The following MATN4 variants were observed in gnomAD, a reference collection of about 807,000 sequenced individuals.
The protein encoded by MATN4 is matrilin 4.
MATN4 carries 40 observed loss-of-function variants against 54.6 expected under a neutral mutation model. The ratio of observed to expected loss-of-function variants is 0.73; its 90% CI spans 0.57 to 0.95. MATN4 has a LOEUF of 0.95. MATN4 is among the 40% of genes least tolerant of loss of function. The probability of loss-of-function intolerance (pLI) is 0.00; values close to 1 mark genes in which losing one functional copy is unlikely to be tolerated. For missense variants in MATN4, 810 were observed against 819.1 expected, an observed-to-expected ratio of 0.99 and a Z score of 0.13; for synonymous variants, 351 against 345.3, an observed-to-expected ratio of 1.02 and a Z score of -0.18.
intron 3 of MATN4, among the ~76,000 whole-genome samples, chr20:45,301,883 A>C (rs1050374874): frequency 3.3e-5 from 5 of 151,766 alleles, no homozygotes; most frequent in Non-Finnish European, 5.9e-5. Context: ...AAAAAGAACA[A>C]GAGAGCCAGT....
rs1280524369 is a variant in MATN4, at chr20:45,304,309, G to C, written c.562C>G (p.Pro188Ala). Reference sequence around the variant, plus strand: ...ACGAGGAAGACGTGCTCGTCTAGCGGGGGCGATGCCATGGCGCGCAGGGAG... The same window carrying C: ...ACGAGGAAGACGTGCTCGTCTAGCGCGGGCGATGCCATGGCGCGCAGGGAG... ...VGSLRAMASP[P>A]LDEHVFLVES... Residue 188 changes from proline (P) to alanine (A), a missense_variant, in exon 3 of 10, where the codon CCG becomes GCG. Transcript: ENST00000372756. 1.3e-6 allele frequency: 2 copies of C among 1,534,396 alleles called. No homozygotes were observed. Among genetic ancestry groups the C allele is most frequent in the Non-Finnish European group, 1.7e-6 (2 of 1,143,070 alleles).
chr20:45,299,595 A>T (rs1600694743), intron 6 of MATN4, among the ~76,000 whole-genome samples: 1 of 152,252 alleles, frequency 6.6e-6, no homozygotes, highest in Middle Eastern at 3.4e-3. Context: ...CTGTCCTTGT[A>T]AGAGTCTGAA....
Position 45,304,223 on chromosome 20 carries a change from C to A in MATN4, c.643+5G>T. 6.7e-7 allele frequency: 1 copy of A among 1,499,344 alleles called. No homozygotes were observed. Among genetic ancestry groups the A allele is most frequent in the South Asian group, 1.4e-5 (1 of 73,750 alleles). 92.9% of individuals were successfully genotyped at this position (1,499,344 alleles called of 1,614,324 possible). ...GAGCTTCACTCCAGCGCCCTCCTAACTCACCACACAGCCGGCTCTGGAACT... is the reference window on the plus strand; with the variant it reads ...GAGCTTCACTCCAGCGCCCTCCTAAATCACCACACAGCCGGCTCTGGAACT... On this transcript the variant is annotated splice_donor_5th_base_variant and intron_variant, in intron 3 of 9. Coordinates refer to ENST00000372756, the MANE Select transcript of MATN4 (RefSeq NM_001393530.1).
Position 45,304,446 on chromosome 20 carries a change from G to C in MATN4, c.425C>G (p.Ala142Gly), listed in dbSNP as rs1363721324. 1 of 1,554,136 alleles carries C rather than the reference G, an allele frequency of 6.4e-7. No individual in the cohort carries two copies. The highest frequency in any genetic ancestry group is 8.7e-7 in the Non-Finnish European group (1 of 1,144,092). ...RPPEERVPRV[A>G]VIVTDGRPQD... ...GGGCCGCCCGTCTGTCACGATGACA[G>C]CGACACGCGGCACGCGCTCCTCTGG... The change falls in exon 3 of 10, where the codon GCT (alanine) becomes GGT (glycine). Residue 142 changes from alanine (A) to glycine (G), a missense_variant. Physicochemically the swap from Ala to Gly is moderately conservative, Grantham distance 60. Transcript: ENST00000372756.
chr20:45,303,018 G>A (rs1986329018), intron 3 of MATN4, among the ~76,000 whole-genome samples: 2 of 149,770 alleles, frequency 1.3e-5, no homozygotes, highest in East Asian at 3.9e-4. Flanking sequence ...GGGAGGCGGA[G>A]GTTGCAGTGA....
chr20:45,294,387 G>T (rs1985682193), intron 8 of MATN4, among the ~76,000 whole-genome samples: 1 of 152,232 alleles, frequency 6.6e-6, no homozygotes, highest in Non-Finnish European at 1.5e-5. Context: ...GAATGGAGAA[G>T]AAGCTCAGAA....
intron 1 of MATN4, among the ~76,000 whole-genome samples, chr20:45,307,115 T>C (rs1986776740): frequency 6.6e-6 from 1 of 151,296 alleles, no homozygotes; most frequent in Non-Finnish European, 1.5e-5. Context: ...CTTCTCTCTC[T>C]TGAGGCCCCC....
At chr20:45,296,294 GA>G (rs1234401097) in intron 8 of MATN4, among the ~76,000 whole-genome samples, 10 of 144,188 alleles carry the variant, frequency 6.9e-5, no homozygotes, top group African/African-American at 2.6e-4. Flanking sequence ...AGTACCTTAG[GA>G]AAAAAAAGAA....
chr20:45,306,890 G>A, intron 1 of MATN4: 1 of 1,256,440 alleles, frequency 8.0e-7, no homozygotes, highest in Non-Finnish European at 1.0e-6. Flanking sequence ...CCAGAGGGCG[G>A]CGGGTGAGCG....
At position 45,298,378 on chromosome 20, in the gene MATN4, G is replaced by T; in HGVS notation, c.1218C>A (p.Ala406=). The T allele has an allele frequency of 6.2e-7, 1 of 1,612,458 alleles. No homozygotes were observed. Among genetic ancestry groups the T allele is most frequent in the Non-Finnish European group, 8.5e-7 (1 of 1,179,196 alleles). The change falls in exon 7 of 10, where the codon GCC becomes GCA. Residue 406 remains alanine (A), a synonymous_variant. Transcript: ENST00000372756. The surrounding 1 kb of genome is among the most constrained non-coding windows in gnomAD (Gnocchi z 4.6). Reference sequence around the variant, plus strand: ...CGGCCAGGACCGCCTGCTTCACCTCGGCTGCGGTGCCGTAGCGACCCAGAG... The same window carrying T: ...CGGCCAGGACCGCCTGCTTCACCTCTGCTGCGGTGCCGTAGCGACCCAGAG... ...EFPLGRYGTA[A]EVKQAVLAVE... is the part of the protein sequence containing the mutation.
intron 3 of MATN4, among the ~76,000 whole-genome samples, chr20:45,302,063 C>T (rs1293302555): frequency 6.6e-6 from 1 of 152,026 alleles, no homozygotes; most frequent in Non-Finnish European, 1.5e-5. Flanking sequence ...GTGTATGCCC[C>T]TGCATACACA....
rs781709691 is a variant in MATN4, at chr20:45,308,259, C to A, written c.-119G>T. ...CCCGGGCACTTGGACCAGGTAACGGCGGCGTGGCAGCGTGCCCTAGGTGGG... is the reference window on the plus strand; with the variant it reads ...CCCGGGCACTTGGACCAGGTAACGGAGGCGTGGCAGCGTGCCCTAGGTGGG... On this transcript the variant is annotated 5_prime_UTR_variant, in exon 1 of 10. Coordinates refer to ENST00000372756, the MANE Select transcript of MATN4 (RefSeq NM_001393530.1). 2 of 1,591,192 alleles carry A rather than the reference C, an allele frequency of 1.3e-6. No homozygotes were observed. Among genetic ancestry groups the A allele is most frequent in the East Asian group, 4.5e-5 (2 of 44,730 alleles).
chr20:45,302,024 G>A (rs1488500125), intron 3 of MATN4, among the ~76,000 whole-genome samples: 2 of 151,988 alleles, frequency 1.3e-5, no homozygotes, highest in East Asian at 1.9e-4. Context: ...GTGTGCACGC[G>A]CTATGAGTTA....
In MATN4 at chr20:45,304,290, A is replaced by G; in HGVS notation, c.581T>C (p.Phe194Ser). 6.4e-7 allele frequency: 1 copy of G among 1,553,584 alleles called. No homozygotes were observed. Among genetic ancestry groups the G allele is most frequent in the South Asian group, 1.2e-5 (1 of 82,774 alleles). ...GATGAGGTCGAAGGACTCTACGAGG[A>G]AGACGTGCTCGTCTAGCGGGGGCGA... ...MASPPLDEHV[F>S]LVESFDLIQE... The change falls in exon 3 of 10, where the codon TTC (phenylalanine) becomes TCC (serine). Residue 194 changes from phenylalanine to serine, a missense_variant. Transcript: ENST00000372756.
In MATN4 at chr20:45,294,016, C is replaced by T; in HGVS notation, c.1580-1G>A. 6.2e-7 allele frequency: 1 copy of T among 1,600,042 alleles called. No homozygotes were observed. The highest frequency in any genetic ancestry group is 8.5e-7 in the Non-Finnish European group (1 of 1,178,852). ...TCTGTCCCTGCGCTGATGCCCTCCT[C>T]TGCAAGCCGGACACAGAGGGTCAGG... is the stretch of plus-strand genomic sequence containing the variant. On this transcript the variant is annotated splice_acceptor_variant, in intron 8 of 9. Transcript: ENST00000372756. LOFTEE classifies it high-confidence loss of function.
intron 8 of MATN4, among the ~76,000 whole-genome samples, chr20:45,297,664 C>A (rs114393221): frequency 0.012 from 1,785 of 152,258 alleles, 28 homozygotes; most frequent in African/African-American, 0.04. Flanking sequence ...GCTTACAAAT[C>A]ACCTGAGAAT....
chr20:45,305,828 G>T (rs13039315), intron 1 of MATN4, among the ~76,000 whole-genome samples: 2 of 1,178 alleles, frequency 1.7e-3, no homozygotes, highest in Non-Finnish European at 2.7e-3. Flanking sequence ...TTTTTAGATA[G>T]AGTCTTGCTC....
At chr20:45,301,863 GAA>G (rs11479809) in intron 3 of MATN4, among the ~76,000 whole-genome samples, 30 of 129,112 alleles carry the variant, frequency 2.3e-4, no homozygotes, top group Admixed American at 3.0e-4. Context: ...AGAGAGGAAA[GAA>G]AAAAAAAAAA....
At chr20:45,294,321 C>A (rs867221884) in intron 8 of MATN4, among the ~76,000 whole-genome samples, 1 of 152,156 alleles carries the variant, frequency 6.6e-6, no homozygotes, top group African/African-American at 2.4e-5. Context: ...GTTTCTCAAA[C>A]CTTAATGCTC....
Sources: allele counts gnomAD v4.1 joint callset (sites outside exome capture counted in the v4.1 genomes callset), GRCh38; gene constraint gnomAD v4.1.1; non-coding constraint Gnocchi (gnomAD v3.1); transcripts MANE v1.5; gene names NCBI Gene and HGNC (gene_info 2026-07-23, HGNC 2026-07-21).